CHD9: variants seen among roughly 807,000 people sequenced by gnomAD.
The protein encoded by CHD9 is ATP-dependent chromatin remodeler CHD9.
A neutral mutation model predicts 316.1 loss-of-function variants in CHD9; 77 were observed. The ratio of observed to expected loss-of-function variants is 0.24; its 90% CI spans 0.20 to 0.29. The LOEUF (loss-of-function observed/expected upper bound fraction) is 0.29. Ranked by LOEUF, CHD9 falls within the 10% of genes least tolerant of loss-of-function variation. The pLI is 1.00. For missense variants in CHD9, 2,763 were observed against 3,438.1 expected (o/e 0.80, Z 4.91); for synonymous variants, 1,129 against 1,158.3 (o/e 0.97, Z 0.51).
chr16:53,165,206 A>G (rs2042191422), intron 2 of CHD9, among the ~76,000 whole-genome samples: 1 of 152,186 alleles, frequency 6.6e-6, no homozygotes, highest in Non-Finnish European at 1.5e-5. Context: ...CAGGTGGAAA[A>G]TGGACTAAAT....
chr16:53,198,300 CAT>C (rs1268787240), intron 2 of CHD9, among the ~76,000 whole-genome samples: 1 of 150,328 alleles, frequency 6.7e-6, no homozygotes, highest in African/African-American at 2.4e-5. Context: ...GCACCTGACT[CAT>C]AATAAGCATT....
At chr16:53,193,272 C>A (rs536458569) in intron 2 of CHD9, among the ~76,000 whole-genome samples, 56 of 151,986 alleles carry the variant, frequency 3.7e-4, no homozygotes, top group South Asian at 8.3e-4. Context: ...CACGGTGAAA[C>A]CCTGTCGCTA....
chr16:53,243,288 G>T (rs985402946), intron 13 of CHD9, among the ~76,000 whole-genome samples: 3 of 151,976 alleles, frequency 2.0e-5, no homozygotes, highest in Admixed American at 6.6e-5. Flanking sequence ...CTATTTAAAA[G>T]AAAATAAGAC....
At chr16:53,170,877 A>C (rs1001903809) in intron 2 of CHD9, among the ~76,000 whole-genome samples, 2 of 152,156 alleles carry the variant, frequency 1.3e-5, no homozygotes, top group Non-Finnish European at 2.9e-5. Flanking sequence ...AACACTTATC[A>C]TAAATAATAC....
chr16:53,206,770 G>C (rs2045928464), intron 2 of CHD9, among the ~76,000 whole-genome samples: 1 of 152,108 alleles, frequency 6.6e-6, no homozygotes, highest in Non-Finnish European at 1.5e-5. Context: ...GTTCCATTCT[G>C]TCTCTTTGTA....
intron 10 of CHD9, among the ~76,000 whole-genome samples, chr16:53,233,360 C>G (rs1006660258): frequency 6.6e-6 from 1 of 152,128 alleles, no homozygotes; most frequent in East Asian, 1.9e-4. Flanking sequence ...AGACATAGGG[C>G]GAGGTCTGAG....
intron 4 of CHD9, among the ~76,000 whole-genome samples, chr16:53,224,787 T>C (rs150026559): frequency 6.6e-6 from 1 of 152,348 alleles, no homozygotes; most frequent in East Asian, 1.9e-4. Context: ...ATCTATATGG[T>C]GCCCATAATA....
chr16:53,252,473 C>G (rs936994369), intron 17 of CHD9, among the ~76,000 whole-genome samples: 7 of 152,082 alleles, frequency 4.6e-5, no homozygotes, highest in African/African-American at 1.7e-4. Context: ...TGGAGAAACC[C>G]TTCTAGACAT....
At chr16:53,125,711 G>C (rs2038943325) in intron 1 of CHD9, among the ~76,000 whole-genome samples, 1 of 152,194 alleles carries the variant, frequency 6.6e-6, no homozygotes, top group African/African-American at 2.4e-5. Context: ...AACCCATACT[G>C]TATGATGGAC....
intron 1 of CHD9, among the ~76,000 whole-genome samples, chr16:53,153,723 AGAAG>A (rs1262586951): frequency 6.6e-6 from 1 of 151,842 alleles, no homozygotes; most frequent in Non-Finnish European, 1.5e-5. Flanking sequence ...TTTAGTAGAG[AGAAG>A]GGTCTCATTT....
At chr16:53,233,201 C>T (rs1410188519) in intron 10 of CHD9, among the ~76,000 whole-genome samples, 1 of 152,174 alleles carries the variant, frequency 6.6e-6, no homozygotes, top group Admixed American at 6.5e-5. Context: ...TTCTGACTGA[C>T]TGGCTTCAAG....
intron 1 of CHD9, among the ~76,000 whole-genome samples, chr16:53,091,289 A>C (rs1006829824): frequency 1.3e-5 from 2 of 152,254 alleles, no homozygotes; most frequent in Non-Finnish European, 2.9e-5. Context: ...AACTGAGTTC[A>C]AATCCCCGGG....
chr16:53,143,358 TTTTA>T (rs55793321), intron 1 of CHD9, among the ~76,000 whole-genome samples: 5,418 of 137,912 alleles, frequency 0.039, 141 homozygotes, highest in South Asian at 0.072. Flanking sequence ...TTTTATCTTA[TTTTA>T]TTTATTTATT....
Position 53,089,823 on chromosome 16 carries a change from A to T in CHD9, c.-165+34746A>T, listed in dbSNP as rs1209059173. On this transcript the variant is annotated intron_variant, in intron 1 of 38. Transcript: ENST00000447540. ...TGCCCTGGCAGGTGGCAAGGGAAAG[A>T]ACTGGAAGGAAAGACACTGGCACAC... Among the ~76,000 whole-genome samples, 3 of 152,236 alleles carry T rather than the reference A, an allele frequency of 2.0e-5. No individual in the cohort carries two copies. The East Asian group carries it at 5.8e-4, about 29-fold the overall frequency.
Position 53,304,546 on chromosome 16 carries a change from CTCCACCTCT to C in CHD9, c.6544_6552del (p.Thr2182_Ser2184del). The C allele has an allele frequency of 6.5e-7, 1 of 1,544,922 alleles. No homozygotes were observed. The highest frequency in any genetic ancestry group is 8.8e-7 in the Non-Finnish European group (1 of 1,140,664). On this transcript the variant is annotated inframe_deletion, in exon 31 of 39. Transcript: ENST00000447540. ...CTTCAGCATCTTCTTCATCCTCTTC[CTCCACCTCT>C]TCCTCCTCCTCCTCCTCTTCATCTT...
chr16:53,061,673 G>T (rs531529760), intron 1 of CHD9, among the ~76,000 whole-genome samples: 5 of 152,304 alleles, frequency 3.3e-5, no homozygotes, highest in African/African-American at 9.6e-5. Flanking sequence ...GGAGACTGGG[G>T]TATATCCTCG....
chr16:53,291,922 G>A (rs2054376600), intron 28 of CHD9, among the ~76,000 whole-genome samples, 155 bp downstream of exon 28: 1 of 152,070 alleles, frequency 6.6e-6, no homozygotes, highest in African/African-American at 2.4e-5. Context: ...TAGTTGACTG[G>A]GAATTTAACT....
chr16:53,251,931 G>A (rs1483027102), intron 17 of CHD9, among the ~76,000 whole-genome samples: 1 of 152,096 alleles, frequency 6.6e-6, no homozygotes, highest in Non-Finnish European at 1.5e-5. Flanking sequence ...TACATCCCAT[G>A]TTCATGGATG....
chr16:53,275,613 C>A (rs2052732314), intron 24 of CHD9, among the ~76,000 whole-genome samples: 1 of 152,122 alleles, frequency 6.6e-6, no homozygotes, highest in South Asian at 2.1e-4. Context: ...TCCCAGTTTT[C>A]TTCTCCATTC....
Sources: allele counts gnomAD v4.1 joint callset (sites outside exome capture counted in the v4.1 genomes callset), GRCh38; gene constraint gnomAD v4.1.1; transcripts MANE v1.5; gene names NCBI Gene and HGNC (gene_info 2026-07-23, HGNC 2026-07-21).